PPA2: variants seen among roughly 807,000 people sequenced by gnomAD.
The protein encoded by PPA2 is inorganic pyrophosphatase 2.
A neutral mutation model predicts 49.5 loss-of-function variants in PPA2; 48 were observed. The ratio of observed to expected loss-of-function variants is 0.97; its 90% CI spans 0.77 to 1.23. The LOEUF is 1.23. Among genes scored for constraint, PPA2 ranks in the 50% most tolerant of loss-of-function variants. The pLI, the probability that PPA2 is intolerant of heterozygous loss-of-function variation, is 0.00. For missense variants in PPA2, 429 were observed against 410.1 expected, an observed-to-expected ratio of 1.05 and a Z score of -0.40; for synonymous variants, 131 against 139.9, an observed-to-expected ratio of 0.94 and a Z score of 0.45.
chr4:105,373,514 G>T (rs1733111811), intron 10 of PPA2, among the ~76,000 whole-genome samples: 1 of 152,058 alleles, frequency 6.6e-6, no homozygotes, highest in Non-Finnish European at 1.5e-5. Flanking sequence ...ATTAGCAGCT[G>T]CTTCTTGTTG....
chr4:105,437,512 A>G (rs112503131), intron 6 of PPA2, among the ~76,000 whole-genome samples: 2 of 152,360 alleles, frequency 1.3e-5, no homozygotes, highest in South Asian at 4.1e-4. Context: ...GATGACTTTC[A>G]TGAGAATTGA....
chr4:105,411,786 T>C (rs1249374310), intron 7 of PPA2, among the ~76,000 whole-genome samples: 2 of 152,154 alleles, frequency 1.3e-5, no homozygotes, highest in Non-Finnish European at 2.9e-5. Context: ...AGCATTCCTA[T>C]ACACCAATAA....
At chr4:105,387,829 C>T (rs1220430751) in intron 9 of PPA2, among the ~76,000 whole-genome samples, 1 of 151,424 alleles carries the variant, frequency 6.6e-6, no homozygotes, top group Non-Finnish European at 1.5e-5. Context: ...AACAAGCTGA[C>T]AATTGAAAAA....
chr4:105,467,650 A>T (rs1319065666), intron 1 of PPA2, among the ~76,000 whole-genome samples: 2 of 144,808 alleles, frequency 1.4e-5, no homozygotes, highest in Non-Finnish European at 3.0e-5. Flanking sequence ...GGAGGTTACA[A>T]CTGATCAAGG....
intron 7 of PPA2, among the ~76,000 whole-genome samples, chr4:105,416,794 T>C (rs192348410): frequency 6.6e-6 from 1 of 152,344 alleles, no homozygotes; most frequent in East Asian, 1.9e-4. Context: ...GTATCTTTCA[T>C]TGTTCTTGCC....
intron 8 of PPA2, among the ~76,000 whole-genome samples, chr4:105,397,834 G>T (rs1578816265): frequency 1.3e-5 from 2 of 152,124 alleles, no homozygotes. Flanking sequence ...GAAGCTTTCT[G>T]AGGTTCTTAC....
intron 2 of PPA2, among the ~76,000 whole-genome samples, chr4:105,454,174 C>T (rs1377635194): frequency 6.6e-6 from 1 of 152,106 alleles, no homozygotes; most frequent in African/African-American, 2.4e-5. Context: ...AAAAATTATG[C>T]CATTCACAAA....
intron 9 of PPA2, among the ~76,000 whole-genome samples, chr4:105,392,605 A>G (rs2713851): frequency 0.42 from 64,172 of 151,388 alleles, 14,219 homozygotes; most frequent in East Asian, 0.68. Context: ...CCCGGGAGGC[A>G]GAGGTTGCAG....
chr4:105,401,903 T>A (rs1024085127), intron 7 of PPA2, among the ~76,000 whole-genome samples: 1 of 152,212 alleles, frequency 6.6e-6, no homozygotes, highest in Non-Finnish European at 1.5e-5. Context: ...ACACTTCTAT[T>A]TCCATCAGTT....
At chr4:105,381,123 C>T (rs1158242226) in intron 10 of PPA2, among the ~76,000 whole-genome samples, 3 of 151,910 alleles carry the variant, frequency 2.0e-5, no homozygotes, top group African/African-American at 7.2e-5. Flanking sequence ...TATTTTGATC[C>T]CACTGATTAC....
At chr4:105,424,460 A>T in intron 6 of PPA2, 138 bp from the exon 7 acceptor site, 1 of 804,850 alleles carries the variant, frequency 1.2e-6, no homozygotes, top group African/African-American at 1.8e-5. Context: ...ATATGAAAAT[A>T]GCCAAAGTCT....
At chr4:105,453,706 G>T in intron 2 of PPA2, 64 bp from the exon 3 acceptor site, 3 of 1,241,904 alleles carry the variant, frequency 2.4e-6, no homozygotes, top group Non-Finnish European at 3.5e-6. Context: ...GCACTGCATA[G>T]CAATAAAAAT....
At chr4:105,427,792 A>G (rs1409629386) in intron 6 of PPA2, among the ~76,000 whole-genome samples, 1 of 152,236 alleles carries the variant, frequency 6.6e-6, no homozygotes, top group Non-Finnish European at 1.5e-5. Flanking sequence ...ATTATCCAGG[A>G]GAACTTCCCC....
intron 1 of PPA2, among the ~76,000 whole-genome samples, chr4:105,466,973 A>C (rs555844309): frequency 2.0e-5 from 3 of 152,300 alleles, no homozygotes; most frequent in Non-Finnish European, 4.4e-5. Context: ...CCACTCACCC[A>C]GTTCCTGAGA....
At chr4:105,428,481 C>T (rs1723632714) in intron 6 of PPA2, among the ~76,000 whole-genome samples, 5 of 150,250 alleles carry the variant, frequency 3.3e-5, no homozygotes, top group Admixed American at 2.7e-4. Flanking sequence ...CACAGATAGG[C>T]TTAAAATAAA....
intron 6 of PPA2, among the ~76,000 whole-genome samples, chr4:105,431,566 C>T (rs942837909): frequency 7.2e-5 from 11 of 152,046 alleles, no homozygotes; most frequent in African/African-American, 2.7e-4. Context: ...TACCATATGA[C>T]CCAGCAATTC....
intron 10 of PPA2, among the ~76,000 whole-genome samples, chr4:105,382,404 A>G (rs2110369881): frequency 2.0e-5 from 3 of 152,306 alleles, no homozygotes; most frequent in Admixed American, 2.0e-4. Context: ...AATCTTCTCA[A>G]CATTCTCAAA....
At chr4:105,457,146 T>G (rs1722906337) in intron 1 of PPA2, among the ~76,000 whole-genome samples, 1 of 152,166 alleles carries the variant, frequency 6.6e-6, no homozygotes, top group Non-Finnish European at 1.5e-5. Flanking sequence ...GTATTCCCAA[T>G]TTCTACCTAC....
rs575938866 is a variant in PPA2 at position 105,438,200 on chromosome 4, T to C, written c.442-164A>G. Among the ~76,000 whole-genome samples, 3 of 152,368 alleles carry C rather than the reference T, an allele frequency of 2.0e-5. No homozygotes were observed. In the South Asian group the frequency reaches 6.2e-4, roughly 32 times the overall value. The stretch of plus-strand genomic sequence containing the variant: ...CAACAGGCCAGTATGTCCCTAAGGA[T>C]CATAATATTTAAAACAGATTTATAG... On this transcript the variant is annotated intron_variant, in intron 5 of 11. Coordinates refer to ENST00000341695, the MANE Select transcript of PPA2 (RefSeq NM_176869.3).
Sources: allele counts gnomAD v4.1 joint callset (sites outside exome capture counted in the v4.1 genomes callset), GRCh38; gene constraint gnomAD v4.1.1; transcripts MANE v1.5; gene names NCBI Gene and HGNC (gene_info 2026-07-23, HGNC 2026-07-21).